Variants in USP21 observed in about 807,000 individuals in gnomAD.
USP21 encodes the protein ubiquitin carboxyl-terminal hydrolase 21.
USP21 carries 37 observed loss-of-function variants against 70.8 expected under a neutral mutation model. The ratio of observed to expected loss-of-function variants is 0.52; its 90% confidence interval spans 0.40 to 0.69. The LOEUF (loss-of-function observed/expected upper bound fraction) is 0.69, where lower values mean the gene tolerates loss of function less well. Among genes scored for constraint, USP21 ranks in the 30% least tolerant of loss-of-function variants. The pLI, the probability that USP21 is intolerant of heterozygous loss-of-function variation, is 0.00. For synonymous variants in USP21, 263 were observed against 283.1 expected, an observed-to-expected ratio of 0.93 and a Z score of 0.71; for missense variants, 584 against 740.8, an observed-to-expected ratio of 0.79 and a Z score of 2.46.
Position 161,162,754 on chromosome 1 carries a change from C to T in USP21, c.893+28C>T, listed in dbSNP as rs376583716. On this transcript the variant is annotated intron_variant, in intron 6 of 13. Transcript: ENST00000368002. This position sits in a 1 kb window ranked among gnomAD's most constrained non-coding sequence, Gnocchi z 4.1. ...GGGAGAGCTGGAGGCTATGGGATTT[C>T]TCTCTGGCCATGTCTGGGGGTAGGG... 7 of 1,596,748 alleles carry T rather than the reference C, an allele frequency of 4.4e-6. No homozygotes were observed. The Admixed American group carries it at 1.2e-4, about 27-fold the overall frequency.
Position 161,162,791 on chromosome 1 carries a change from C to T in USP21, c.893+65C>T, listed in dbSNP as rs577826172. On this transcript the variant is annotated intron_variant, in intron 6 of 13. Transcript: ENST00000368002. This position sits in a 1 kb window ranked among gnomAD's most constrained non-coding sequence, Gnocchi z 4.1. ...GTCTGGGGGTAGGGCCAAGCAAGGG[C>T]CCTGGCAGCATTGTTCTGAGCCTTG... 5 of 1,570,624 alleles carry T rather than the reference C, an allele frequency of 3.2e-6. No homozygotes were observed. Among genetic ancestry groups the T allele is most frequent in the Admixed American group, 1.7e-5 (1 of 59,744 alleles).
Position 161,161,950 on chromosome 1 carries a change from G to A in USP21, c.601-88G>A. The A allele has an allele frequency of 5.6e-6, 7 of 1,259,882 alleles. No homozygotes were observed. Among genetic ancestry groups the A allele is most frequent in the Non-Finnish European group, 8.2e-6 (7 of 857,262 alleles). 78.0% of individuals were successfully genotyped at this position (1,259,882 alleles called of 1,614,324 possible). The stretch of plus-strand genomic sequence containing the variant: ...TTTGGGGATGAAACATGCATGGGAT[G>A]GGGGAGGCAGTGGGCAGCATGCTGT... On this transcript the variant is annotated intron_variant, in intron 3 of 13. Coordinates refer to ENST00000368002, the MANE Select transcript of USP21 (RefSeq NM_001014443.3). The surrounding 1 kb of genome is among the most constrained non-coding windows in gnomAD (Gnocchi z 4.2).
At position 161,160,928 on chromosome 1, in the gene USP21, A is replaced by G; in HGVS notation, c.288A>G (p.Pro96=). The G allele has an allele frequency of 6.2e-7, 1 of 1,614,154 alleles. No homozygotes were observed. The highest frequency in any genetic ancestry group is 8.5e-7 in the Non-Finnish European group (1 of 1,180,034). Residue 96 remains proline (P), a synonymous_variant, in exon 3 of 14, where the codon CCA becomes CCG. Coordinates refer to ENST00000368002, the MANE Select transcript of USP21 (RefSeq NM_001014443.3). The part of the protein sequence containing the change: ...HGVPLPGSPP[P]TVALPLPSRT... ...TTCCCCTGCCTGGCTCACCACCCCC[A>G]ACAGTGGCTTTGCCTCTCCCATCTC...
At position 161,163,633 on chromosome 1, in the gene USP21, C is replaced by G. The variant is rs1370910719; in HGVS notation, c.1114+14C>G. 2 of 1,604,366 alleles carry G rather than the reference C, an allele frequency of 1.2e-6. No individual in the cohort carries two copies. The highest frequency in any genetic ancestry group is 1.7e-6 in the Non-Finnish European group (2 of 1,177,932). On this transcript the variant is annotated intron_variant, in intron 8 of 13. Coordinates refer to ENST00000368002, the MANE Select transcript of USP21 (RefSeq NM_001014443.3). ...GCAAGATTGTGGGTATGGAATGGGG[C>G]AAAGCAATGAGGGAAAATTAGTGTG...
chr1:161,164,004 G>A lies in USP21; in HGVS notation c.1218+23G>A. The A allele has an allele frequency of 6.2e-7, 1 of 1,610,922 alleles. No individual in the cohort carries two copies. The highest frequency in any genetic ancestry group is 1.6e-4 in the Middle Eastern group (1 of 6,062). On this transcript the variant is annotated intron_variant, in intron 9 of 13. Transcript: ENST00000368002. The surrounding 1 kb of genome is among the most constrained non-coding windows in gnomAD (Gnocchi z 4.2). ...AAGGTGGGATTCCAGAGGATTCCGGGGTGGACAGGACAGGGGCTCTGTGAC... is the reference window on the plus strand; with the variant it reads ...AAGGTGGGATTCCAGAGGATTCCGGAGTGGACAGGACAGGGGCTCTGTGAC...
chr1:161,160,780 C>A lies in USP21; in HGVS notation c.140C>A (p.Pro47His). 1 of 1,614,224 alleles carries A rather than the reference C, an allele frequency of 6.2e-7. No individual in the cohort carries two copies. Residue 47 changes from proline to histidine, a missense_variant, in exon 3 of 14, where the codon CCC (proline) becomes CAC (histidine). Physicochemically the swap from Pro to His is moderately conservative, Grantham distance 77. Coordinates refer to ENST00000368002, the MANE Select transcript of USP21 (RefSeq NM_001014443.3). The stretch of plus-strand genomic sequence containing the variant: ...AGAAACCCAGCCTCTGGGCCAAACC[C>A]CATGTTACGACCTCTGCCTCCCCGG... ...ERRNPASGPN[P>H]MLRPLPPRPG...
chr1:161,161,078 T>C lies in USP21; in HGVS notation c.438T>C (p.Pro146=), dbSNP rs143739061. The C allele has an allele frequency of 4.3e-6, 7 of 1,614,204 alleles. No homozygotes were observed. In the African/African-American group the frequency reaches 8.0e-5, roughly 18 times the overall value. The part of the protein sequence containing the change: ...GAALSRLALR[P]EPPTLRRSTS... ...CACTGAGCCGCTTGGCCCTCCGGCC[T>C]GAGCCACCCACTTTGAGACGTAGCA... Residue 146 remains proline (P), a synonymous_variant, in exon 3 of 14, where the codon CCT becomes CCC. Transcript: ENST00000368002. The surrounding 1 kb of genome is among the most constrained non-coding windows in gnomAD (Gnocchi z 4.2).
intron 2 of USP21, 36 bp downstream of exon 2, chr1:161,160,542 T>A: frequency 7.2e-7 from 1 of 1,381,396 alleles, no homozygotes; most frequent in Non-Finnish European, 1.0e-6. Context: ...GGAAAATTAG[T>A]GTGGCAGGGT....
At position 161,160,083 on chromosome 1, in the gene USP21, G is replaced by A. The variant is rs552948224; in HGVS notation, c.-162-283G>A. ...TTGCAGCCCAGAGAGGCAGGGATTC[G>A]AGGATGGAGGGCTGTCTTTTGGGCT... On this transcript the variant is annotated intron_variant, in intron 1 of 13. Coordinates refer to ENST00000368002, the MANE Select transcript of USP21 (RefSeq NM_001014443.3). Among the ~76,000 whole-genome samples, 6 of 152,260 alleles carry A rather than the reference G, an allele frequency of 3.9e-5. No homozygotes were observed. The South Asian group carries it at 1.2e-3, about 32-fold the overall frequency.
chr1:161,162,894 G>T lies in USP21; in HGVS notation c.894-25G>T. 3 of 1,600,688 alleles carry T rather than the reference G, an allele frequency of 1.9e-6. No individual in the cohort carries two copies. The highest frequency in any genetic ancestry group is 2.6e-6 in the Non-Finnish European group (3 of 1,172,006). ...CTGTGGACTAGGAGAGGAGTCAGTT[G>T]CCCATACTCTTTGTCTGGCTGTAGC... On this transcript the variant is annotated intron_variant, in intron 6 of 13. Coordinates refer to ENST00000368002, the MANE Select transcript of USP21 (RefSeq NM_001014443.3). This position sits in a 1 kb window ranked among gnomAD's most constrained non-coding sequence, Gnocchi z 4.1.
chr1:161,161,764 C>G lies in USP21; in HGVS notation c.601-274C>G. Reference sequence around the variant, plus strand: ...AACCATGCCGGTGCTGGGGGAGTTGCCCCAGGAGCTGCAACGTCAGCTAGC... The same window carrying G: ...AACCATGCCGGTGCTGGGGGAGTTGGCCCAGGAGCTGCAACGTCAGCTAGC... On this transcript the variant is annotated intron_variant, in intron 3 of 13. Coordinates refer to ENST00000368002, the MANE Select transcript of USP21 (RefSeq NM_001014443.3). The surrounding 1 kb of genome is among the most constrained non-coding windows in gnomAD (Gnocchi z 4.2). 1 of 513,868 alleles carries G rather than the reference C, an allele frequency of 1.9e-6. No individual in the cohort carries two copies. The highest frequency in any genetic ancestry group is 3.5e-6 in the Non-Finnish European group (1 of 285,592). The allele number at this position is 513,868 out of a possible 1,614,324, so 31.8% of individuals were successfully genotyped here.
chr1:161,162,135 A>G lies in USP21; in HGVS notation c.660+38A>G. The G allele has an allele frequency of 1.9e-6, 3 of 1,613,522 alleles. No homozygotes were observed. The highest frequency in any genetic ancestry group is 2.5e-6 in the Non-Finnish European group (3 of 1,179,462). On this transcript the variant is annotated intron_variant, in intron 4 of 13. Transcript: ENST00000368002. This position sits in a 1 kb window ranked among gnomAD's most constrained non-coding sequence, Gnocchi z 4.1. ...CTCCTATCTTTCCTCTCTAAAAGGA[A>G]TGTGAAATGGTGCTGGGGGTGGGGA...
chr1:161,163,664 G>C (rs376844622), intron 8 of USP21, 45 bp downstream of exon 8: 16 of 1,362,926 alleles, frequency 1.2e-5, no homozygotes, highest in African/African-American at 1.5e-5. Flanking sequence ...GTGTGTGAGG[G>C]GGGTACAGGC....
At position 161,162,374 on chromosome 1, in the gene USP21, C is replaced by G. The variant is rs1393162113; in HGVS notation, c.765C>G (p.Ala255=). ...AAGAGGTGCCTGGAGGAGGCCGAGCCCAAGAGCTCACTGAAGGTGGGGCAA... is the reference window on the plus strand; with the variant it reads ...AAGAGGTGCCTGGAGGAGGCCGAGCGCAAGAGCTCACTGAAGGTGGGGCAA... The part of the protein sequence containing the change: ...FRQEVPGGGR[A]QELTEAFADV... Residue 255 remains alanine, a synonymous_variant, in exon 5 of 14, where the codon GCC becomes GCG. Transcript: ENST00000368002. The surrounding 1 kb of genome is among the most constrained non-coding windows in gnomAD (Gnocchi z 4.1). The G allele has an allele frequency of 1.9e-6, 3 of 1,610,252 alleles. No homozygotes were observed. The highest frequency in any genetic ancestry group is 2.5e-6 in the Non-Finnish European group (3 of 1,178,216).
Position 161,160,673 on chromosome 1 carries a change from T to C in USP21, c.33T>C (p.Arg11=), listed in dbSNP as rs1355773989. Residue 11 remains arginine (R), a synonymous_variant, in exon 3 of 14, where the codon CGT becomes CGC. Transcript: ENST00000368002. ...AGGCCTCTGAGCACCGCCTGGGCCG[T>C]ACCCGAGAGCCACCTGTTAATATCC... MPQASEHRLG[R]TREPPVNIQP... is the part of the protein sequence containing the mutation. The C allele has an allele frequency of 6.2e-7, 1 of 1,613,966 alleles. No homozygotes were observed. Among genetic ancestry groups the C allele is most frequent in the Admixed American group, 1.7e-5 (1 of 59,998 alleles).
chr1:161,163,161 T>G lies in USP21; in HGVS notation c.1049+87T>G. 3 of 1,457,302 alleles carry G rather than the reference T, an allele frequency of 2.1e-6. No individual in the cohort carries two copies. In the African/African-American group the frequency reaches 4.3e-5, roughly 21 times the overall value. The allele number at this position is 1,457,302 out of a possible 1,614,324, so 90.3% of individuals were successfully genotyped here. A position where few individuals can be genotyped will look rare whatever the true frequency, so the allele number is the denominator to read the frequency against. On this transcript the variant is annotated intron_variant, in intron 7 of 13. Transcript: ENST00000368002. ...GAACTAAACTAGTAAAGATTGAAGA[T>G]GTAGGGTCCAGGGAAACCCTTTAGT...
intron 1 of USP21, among the ~76,000 whole-genome samples, chr1:161,160,093 G>T (rs902384493): frequency 1.3e-5 from 2 of 151,318 alleles, no homozygotes; most frequent in African/African-American, 4.9e-5. Flanking sequence ...GAGGATGGAG[G>T]GCTGTCTTTT....
Position 161,164,301 on chromosome 1 carries a change from C to A in USP21, c.1305+51C>A. ...AGTAAGGGTGGGAGACCTGGGGGGA[C>A]TCCATGTGGATAAAAGGGATTGCAT... On this transcript the variant is annotated intron_variant, in intron 10 of 13. Coordinates refer to ENST00000368002, the MANE Select transcript of USP21 (RefSeq NM_001014443.3). The surrounding 1 kb of genome is among the most constrained non-coding windows in gnomAD (Gnocchi z 4.2). 1 of 1,552,472 alleles carries A rather than the reference C, an allele frequency of 6.4e-7. No individual in the cohort carries two copies. Among genetic ancestry groups the A allele is most frequent in the Non-Finnish European group, 8.9e-7 (1 of 1,124,294 alleles).
In USP21 at chr1:161,164,450, T is replaced by C; in HGVS notation, c.1306-84T>C. ...GATCCAGCTGTAATGAAGAGCATAC[T>C]AAATTTGTATGTGGATCGGGGTGTC... On this transcript the variant is annotated intron_variant, in intron 10 of 13. Coordinates refer to ENST00000368002, the MANE Select transcript of USP21 (RefSeq NM_001014443.3). The surrounding 1 kb of genome is among the most constrained non-coding windows in gnomAD (Gnocchi z 4.2). 1 of 1,534,392 alleles carries C rather than the reference T, an allele frequency of 6.5e-7. No homozygotes were observed. Among genetic ancestry groups the C allele is most frequent in the Non-Finnish European group, 9.0e-7 (1 of 1,109,936 alleles).
Sources: gnomAD v4.1 joint callset for allele counts (sites outside exome capture counted in the v4.1 genomes callset) on GRCh38, gnomAD v4.1.1 for gene constraint, Gnocchi (gnomAD v3.1) non-coding constraint, MANE v1.5 for transcripts, NCBI Gene and HGNC (gene_info 2026-07-23, HGNC 2026-07-21) for gene names.